Variants in SEMA3E observed in about 807,000 individuals in gnomAD.
The protein encoded by SEMA3E is semaphorin 3E, also known as semaphorin-3E.
Under a neutral mutation model 93.6 loss-of-function variants are expected in SEMA3E, and 49 were observed. The ratio of observed to expected loss-of-function variants is 0.52; its 90% CI spans 0.42 to 0.66. The LOEUF (loss-of-function observed/expected upper bound fraction) is 0.66. SEMA3E is among the 30% of genes least tolerant of loss of function. The pLI is 0.00. For missense variants in SEMA3E, 906 were observed against 964.8 expected, an observed-to-expected ratio of 0.94 and a Z score of 0.81; for synonymous variants, 363 against 330.7, an observed-to-expected ratio of 1.10 and a Z score of -1.06.
intron 1 of SEMA3E, among the ~76,000 whole-genome samples, chr7:83,500,720 G>A (rs1335118355): frequency 1.3e-5 from 2 of 148,288 alleles, no homozygotes; most frequent in African/African-American, 5.0e-5. Context: ...AGCCTCCCAA[G>A]TAGCTGGGAT....
chr7:83,385,334 A>T lies in SEMA3E; in HGVS notation c.1835T>A (p.Ile612Asn). 1 of 1,613,522 alleles carries T rather than the reference A, an allele frequency of 6.2e-7. No homozygotes were observed. The highest frequency in any genetic ancestry group is 1.1e-5 in the South Asian group (1 of 91,078). ...CTPRSLQAKV[I>N]WFVQKGRETR... ...CTCACGTCCTTTCTGTACAAACCAG[A>T]TAACTTTCGCTTGTAAAGATCGTGG... Residue 612 changes from isoleucine (I) to asparagine (N), a missense_variant, in exon 16 of 17, where the codon ATC becomes AAC. Transcript: ENST00000643230.
intron 5 of SEMA3E, among the ~76,000 whole-genome samples, chr7:83,417,013 ACAGG>A (rs1472638239): frequency 3.2e-5 from 2 of 62,810 alleles, no homozygotes; most frequent in Middle Eastern, 9.4e-3. Context: ...ACACACACAC[ACAGG>A]GAGAGAGAGA....
At chr7:83,515,857 G>A (rs940164783) in intron 1 of SEMA3E, among the ~76,000 whole-genome samples, 16 of 152,036 alleles carry the variant, frequency 1.1e-4, no homozygotes, top group African/African-American at 1.9e-4. Flanking sequence ...GTGAAACCAC[G>A]TCTCCACTAA....
intron 4 of SEMA3E, among the ~76,000 whole-genome samples, chr7:83,426,785 G>C (rs1212963194): frequency 6.6e-6 from 1 of 152,114 alleles, no homozygotes; most frequent in Non-Finnish European, 1.5e-5. Context: ...GGACTGCCTA[G>C]ATAGTAAAAT....
intron 1 of SEMA3E, among the ~76,000 whole-genome samples, chr7:83,534,803 C>T (rs2115739489): frequency 6.6e-6 from 1 of 152,274 alleles, no homozygotes; most frequent in South Asian, 2.1e-4. Context: ...TATTATTTGT[C>T]TTTACAGAAA....
intron 1 of SEMA3E, among the ~76,000 whole-genome samples, chr7:83,501,321 T>C (rs941776737): frequency 5.3e-5 from 8 of 152,246 alleles, no homozygotes; most frequent in Non-Finnish European, 1.2e-4. Flanking sequence ...TATAATTACA[T>C]ATTATTTAAA....
chr7:83,534,960 C>T (rs1279356560), intron 1 of SEMA3E, among the ~76,000 whole-genome samples: 1 of 152,118 alleles, frequency 6.6e-6, no homozygotes, highest in African/African-American at 2.4e-5. Context: ...CATTCCTCTG[C>T]AGGAATCAAG....
In SEMA3E at chr7:83,448,515, A is replaced by G. The variant is rs147358938; in HGVS notation, c.456+17967T>C. On this transcript the variant is annotated intron_variant, in intron 4 of 16. Transcript: ENST00000643230. ...CAACAGAGTGAGACCCTATTCTAAAACAAAAACAAAACAAAACAAAATCCA... is the reference window on the plus strand; with the variant it reads ...CAACAGAGTGAGACCCTATTCTAAAGCAAAAACAAAACAAAACAAAATCCA... 9.3e-3 allele frequency among the ~76,000 whole-genome samples: 1,420 copies of G among 152,270 alleles called. 14 individuals carry two copies. The highest frequency in any genetic ancestry group is 0.015 in the Non-Finnish European group (1,027 of 68,018).
chr7:83,439,499 G>A (rs969297162), intron 4 of SEMA3E, among the ~76,000 whole-genome samples: 1 of 152,186 alleles, frequency 6.6e-6, no homozygotes, highest in Non-Finnish European at 1.5e-5. Context: ...GTTTCTCAGG[G>A]AGAGGAGAAA....
intron 1 of SEMA3E, among the ~76,000 whole-genome samples, chr7:83,568,448 T>A (rs1792208866): frequency 6.6e-6 from 1 of 152,236 alleles, no homozygotes; most frequent in African/African-American, 2.4e-5. Flanking sequence ...CCAATATTCC[T>A]GATGAACGTA....
chr7:83,513,823 A>C (rs1209789826), intron 1 of SEMA3E, among the ~76,000 whole-genome samples: 1 of 152,242 alleles, frequency 6.6e-6, no homozygotes, highest in South Asian at 2.1e-4. Context: ...AGCTGGTAAA[A>C]TCTCTTCAAG....
intron 1 of SEMA3E, among the ~76,000 whole-genome samples, chr7:83,637,119 G>C (rs1793896573): frequency 6.6e-6 from 1 of 151,860 alleles, no homozygotes; most frequent in African/African-American, 2.4e-5. Context: ...TGAGTACAGA[G>C]AGTTCCCCTA....
At chr7:83,621,954 C>A (rs973408830) in intron 1 of SEMA3E, among the ~76,000 whole-genome samples, 2 of 152,048 alleles carry the variant, frequency 1.3e-5, no homozygotes, top group Non-Finnish European at 2.9e-5. Flanking sequence ...GATGAAAACA[C>A]CAAAAGCAAT....
chr7:83,547,426 G>T (rs1035760499), intron 1 of SEMA3E, among the ~76,000 whole-genome samples: 12 of 151,940 alleles, frequency 7.9e-5, no homozygotes. Context: ...ATTTTAACAC[G>T]AAGCCCAAAT....
chr7:83,542,469 T>A (rs1791556706), intron 1 of SEMA3E, among the ~76,000 whole-genome samples: 1 of 152,216 alleles, frequency 6.6e-6, no homozygotes, highest in Non-Finnish European at 1.5e-5. Flanking sequence ...TGTTTCATAT[T>A]TGCAAAGTCT....
chr7:83,465,836 A>G (rs888934204), intron 4 of SEMA3E, among the ~76,000 whole-genome samples: 3 of 152,210 alleles, frequency 2.0e-5, no homozygotes, highest in African/African-American at 7.2e-5. Flanking sequence ...CCCAGCTTAC[A>G]GGAATAGGTT....
intron 16 of SEMA3E, among the ~76,000 whole-genome samples, chr7:83,373,476 T>A (rs896575513): frequency 6.6e-6 from 1 of 152,084 alleles, no homozygotes; most frequent in Non-Finnish European, 1.5e-5. Context: ...AAAATAGAAA[T>A]TTATTTTATT....
intron 1 of SEMA3E, among the ~76,000 whole-genome samples, chr7:83,560,718 A>T (rs577723802): frequency 3.3e-5 from 5 of 151,402 alleles, no homozygotes; most frequent in Admixed American, 3.3e-4. Context: ...TTTTAGTCTT[A>T]AAAATCCTTT....
rs751969013 is a variant in SEMA3E, at chr7:83,400,077, A to C, written c.1317T>G (p.Asp439Glu). ...GKYNLKQIAV[D>E]RVEAEDGQYD... The stretch of plus-strand genomic sequence containing the variant: ...ATTGGCCATCCTCAGCTTCCACTCG[A>C]TCTACTGCTATTTGTTTCAGGTTAT... The change falls in exon 11 of 17, where the codon GAT becomes GAG. Residue 439 changes from aspartate (D) to glutamate (E), a missense_variant. Asp to Glu is a conservative substitution (Grantham distance 45). Transcript: ENST00000643230. 1 of 1,614,026 alleles carries C rather than the reference A, an allele frequency of 6.2e-7. No individual in the cohort carries two copies. Among genetic ancestry groups the C allele is most frequent in the Admixed American group, 1.7e-5 (1 of 60,004 alleles).
Sources: gnomAD v4.1 joint callset for allele counts (sites outside exome capture counted in the v4.1 genomes callset) on GRCh38, gnomAD v4.1.1 for gene constraint, MANE v1.5 for transcripts, NCBI Gene and HGNC (gene_info 2026-07-23, HGNC 2026-07-21) for gene names.